Variants in C1orf141 observed in about 807,000 individuals in gnomAD.
C1orf141 encodes chromosome 1 open reading frame 141.
C1orf141 carries 19 observed loss-of-function variants against 23.2 expected under a neutral mutation model. The observed-to-expected ratio is 0.82, with a 90% confidence interval of 0.57 to 1.20. The LOEUF (loss-of-function observed/expected upper bound fraction) is 1.20. Among genes scored for constraint, C1orf141 ranks in the 50% most tolerant of loss-of-function variants. The probability of loss-of-function intolerance (pLI) is 0.00; values close to 1 mark genes in which losing one functional copy is unlikely to be tolerated. For synonymous variants in C1orf141, 153 were observed against 154.6 expected, an observed-to-expected ratio of 0.99 and a Z score of 0.08; for missense variants, 469 against 455.1, an observed-to-expected ratio of 1.03 and a Z score of -0.28.
chr1:67,128,171 G>A (rs990950275), intron 2 of C1orf141, among the ~76,000 whole-genome samples: 3 of 152,126 alleles, frequency 2.0e-5, no homozygotes, highest in East Asian at 1.9e-4. Context: ...ATTGCTAACC[G>A]TCTCATCTGA....
At chr1:67,109,457 A>G (rs1646017799) in intron 5 of C1orf141, among the ~76,000 whole-genome samples, 2 of 152,216 alleles carry the variant, frequency 1.3e-5, no homozygotes, top group Non-Finnish European at 2.9e-5. Flanking sequence ...AATTTAGAAC[A>G]AGAAGTCACT....
intron 5 of C1orf141, among the ~76,000 whole-genome samples, chr1:67,109,526 T>C (rs1646019135): frequency 1.3e-5 from 2 of 152,100 alleles, no homozygotes; most frequent in African/African-American, 4.8e-5. Context: ...ATAGAGAGAA[T>C]GAATAAAAAA....
chr1:67,093,601 G>A lies in C1orf141; in HGVS notation c.607C>T (p.Gln203Ter). The A allele has an allele frequency of 6.5e-7, 1 of 1,546,202 alleles. No individual in the cohort carries two copies. The change falls in exon 8 of 8, where the codon CAA becomes TAA. Residue 203 changes from glutamine to a stop codon, truncating the protein, a stop_gained. Transcript: ENST00000684719. LOFTEE classifies it low-confidence loss of function (END_TRUNC). The part of the protein sequence containing the change: ...PTKTVTSHME[Q>*]KDTNPIIFHD... ...AAAATTATGGGATTTGTGTCCTTTT[G>A]TTCCTGTAGATTAAAGAAAAGAATA...
chr1:67,121,482 G>A (rs1408907428), intron 4 of C1orf141: 2 of 152,146 alleles, frequency 1.3e-5, no homozygotes, highest in Non-Finnish European at 2.9e-5. Context: ...ATAATTAAAT[G>A]TGAAATTTGG....
At chr1:67,125,487 C>T (rs1360526248) in intron 4 of C1orf141, among the ~76,000 whole-genome samples, 1 of 151,974 alleles carries the variant, frequency 6.6e-6, no homozygotes, top group African/African-American at 2.4e-5. Flanking sequence ...CTCTTGAGGC[C>T]AGAAGTTCAA....
At chr1:67,140,381 C>T (rs1215956022) in intron 1 of C1orf141, among the ~76,000 whole-genome samples, 2 of 152,064 alleles carry the variant, frequency 1.3e-5, no homozygotes, top group African/African-American at 4.8e-5. Context: ...TAAGGACAAA[C>T]ACCATAATGA....
At chr1:67,132,968 C>T (rs1164790812) in intron 1 of C1orf141, among the ~76,000 whole-genome samples, 1 of 152,174 alleles carries the variant, frequency 6.6e-6, no homozygotes, top group African/African-American at 2.4e-5. Flanking sequence ...TTCCCAATTA[C>T]TCTCACAGTG....
At chr1:67,106,544 G>T (rs2102442963) in intron 5 of C1orf141, among the ~76,000 whole-genome samples, 1 of 152,164 alleles carries the variant, frequency 6.6e-6, no homozygotes, top group African/African-American at 2.4e-5. Flanking sequence ...CTGTAGTCCA[G>T]CTACTCAGGA....
chr1:67,123,217 A>T (rs983564448), intron 4 of C1orf141: 6 of 26,264 alleles, frequency 2.3e-4, no homozygotes, highest in Non-Finnish European at 4.9e-4. Flanking sequence ...AAAAAAAAAA[A>T]TAAATAAAAA....
At chr1:67,113,661 G>T in intron 5 of C1orf141, 1 of 1,234,584 alleles carries the variant, frequency 8.1e-7, no homozygotes, top group Non-Finnish European at 1.0e-6. Flanking sequence ...CACCGTGCCC[G>T]GCCAGGTCTT....
intron 5 of C1orf141, among the ~76,000 whole-genome samples, chr1:67,101,010 A>AT (rs35866342): frequency 0.68 from 103,552 of 151,460 alleles, 35,816 homozygotes; most frequent in East Asian, 0.79. Flanking sequence ...CTTGGGTTTC[A>AT]TTTTTTTATC....
chr1:67,093,164 T>C lies in C1orf141; in HGVS notation c.1044A>G (p.Glu348=), dbSNP rs1274628759. 1 of 1,613,970 alleles carries C rather than the reference T, an allele frequency of 6.2e-7. No individual in the cohort carries two copies. Among genetic ancestry groups the C allele is most frequent in the East Asian group, 2.2e-5 (1 of 44,848 alleles). Residue 348 remains glutamate, a synonymous_variant, in exon 8 of 8, where the codon GAA becomes GAG. Coordinates refer to ENST00000684719, the MANE Select transcript of C1orf141 (RefSeq NM_001276351.2). The stretch of plus-strand genomic sequence containing the variant: ...TTGGTTTTCCTGCAGAAAACATTCT[T>C]TCAAATTTTCCAGTTTGGGCACTCA... ...HEMSAQTGKF[E]RMFSAGKPTS...
intron 1 of C1orf141, among the ~76,000 whole-genome samples, chr1:67,140,636 T>C (rs1049949502): frequency 1.3e-5 from 2 of 152,220 alleles, no homozygotes; most frequent in African/African-American, 4.8e-5. Context: ...CCTTAAAAAA[T>C]GTATTAATCT....
intron 5 of C1orf141, among the ~76,000 whole-genome samples, chr1:67,108,000 A>G (rs1645971662): frequency 6.6e-6 from 1 of 152,152 alleles, no homozygotes; most frequent in South Asian, 2.1e-4. Flanking sequence ...GGTGGTTGAG[A>G]ACTCTGCCAT....
chr1:67,120,763 C>T (rs1369573007), intron 4 of C1orf141, among the ~76,000 whole-genome samples: 1 of 151,880 alleles, frequency 6.6e-6, no homozygotes, highest in Non-Finnish European at 1.5e-5. Flanking sequence ...TTTATTTAAA[C>T]CACCCAGGGT....
intron 5 of C1orf141, among the ~76,000 whole-genome samples, chr1:67,106,370 G>C (rs945966772): frequency 3.3e-5 from 5 of 152,188 alleles, no homozygotes; most frequent in Admixed American, 2.6e-4. Flanking sequence ...TGATGGGTCA[G>C]GCACGGCAGC....
intron 3 of C1orf141, 119 bp from the exon 4 acceptor site, chr1:67,126,028 T>C (rs1646406415): frequency 9.9e-6 from 11 of 1,112,850 alleles, no homozygotes; most frequent in Non-Finnish European, 1.4e-5. Context: ...AGAATTTAGG[T>C]GGCAGGCAAT....
At chr1:67,098,936 T>G (rs2102421117) in intron 5 of C1orf141, among the ~76,000 whole-genome samples, 1 of 152,210 alleles carries the variant, frequency 6.6e-6, no homozygotes, top group Admixed American at 6.5e-5. Context: ...GTTGAGGGAT[T>G]TGCCAAGAAT....
upstream of C1orf141, among the ~76,000 whole-genome samples, chr1:67,137,041 A>G (rs1219981168): frequency 2.0e-5 from 3 of 152,232 alleles, no homozygotes; most frequent in African/African-American, 7.2e-5. Flanking sequence ...ACTGTATACT[A>G]TAAGAAAACA....
Sources: gnomAD v4.1 joint callset for allele counts (sites outside exome capture counted in the v4.1 genomes callset) on GRCh38, gnomAD v4.1.1 for gene constraint, MANE v1.5 for transcripts, NCBI Gene and HGNC (gene_info 2026-07-23, HGNC 2026-07-21) for gene names.